The following TANK variants were observed in gnomAD, a reference collection of about 807,000 sequenced individuals.
The protein encoded by TANK is TRAF family member-associated NF-kappa-B activator.
Under a neutral mutation model 43.6 loss-of-function variants are expected in TANK, and 15 were observed. The observed-to-expected ratio is 0.34, with a 90% confidence interval of 0.23 to 0.53. The LOEUF (loss-of-function observed/expected upper bound fraction) is 0.53. TANK is among the 20% of genes least tolerant of loss of function. The pLI is 0.94. For missense variants in TANK, 417 were observed against 498.6 expected (o/e 0.84, Z 1.56); for synonymous variants, 162 against 178.2 (o/e 0.91, Z 0.73).
chr2:161,194,213 C>T (rs1686044570), intron 2 of TANK, among the ~76,000 whole-genome samples: 1 of 151,788 alleles, frequency 6.6e-6, no homozygotes, highest in African/African-American at 2.4e-5. Flanking sequence ...TATAGAAAAC[C>T]TGCAGCTGGC....
chr2:161,166,481 G>A (rs1684685409), intron 1 of TANK, among the ~76,000 whole-genome samples: 1 of 152,206 alleles, frequency 6.6e-6, no homozygotes, highest in African/African-American at 2.4e-5. Flanking sequence ...TAATATTTTT[G>A]AGTGTCTTTA....
chr2:161,191,048 T>C (rs1685893001), intron 2 of TANK, among the ~76,000 whole-genome samples: 2 of 152,234 alleles, frequency 1.3e-5, no homozygotes, highest in Non-Finnish European at 2.9e-5. Flanking sequence ...CACCAGCCTT[T>C]TACCACTTAG....
chr2:161,174,221 G>T (rs1481408429), intron 1 of TANK, among the ~76,000 whole-genome samples: 2 of 152,078 alleles, frequency 1.3e-5, no homozygotes, highest in Admixed American at 1.3e-4. Flanking sequence ...TTGCAGATCT[G>T]GGGTCTGAAT....
At chr2:161,222,781 A>C in intron 4 of TANK, 1 of 152,146 alleles carries the variant, frequency 6.6e-6, no homozygotes, top group Admixed American at 6.5e-5. Flanking sequence ...AAAATCACAA[A>C]TTGTTTGTAT....
chr2:161,155,266 T>A (rs1348632671), intron 1 of TANK, among the ~76,000 whole-genome samples: 1 of 152,062 alleles, frequency 6.6e-6, no homozygotes, highest in African/African-American at 2.4e-5. Context: ...TGTGACCATA[T>A]TATTATTATT....
chr2:161,217,629 G>T (rs1017791011), intron 4 of TANK, among the ~76,000 whole-genome samples: 1 of 148,570 alleles, frequency 6.7e-6, no homozygotes, highest in African/African-American at 2.5e-5. Context: ...GTGTGTGTGT[G>T]TTGTCCAAAG....
At chr2:161,173,212 A>G (rs1440048264) in intron 1 of TANK, among the ~76,000 whole-genome samples, 1 of 152,114 alleles carries the variant, frequency 6.6e-6, no homozygotes, top group Non-Finnish European at 1.5e-5. Flanking sequence ...GCACAGTCAT[A>G]CATGCTGACC....
intron 1 of TANK, among the ~76,000 whole-genome samples, chr2:161,138,882 A>G (rs1004562022): frequency 3.3e-5 from 5 of 152,216 alleles, no homozygotes; most frequent in Admixed American, 1.3e-4. Context: ...TGAATATTCT[A>G]TTAATATGTC....
At chr2:161,161,270 T>G in intron 1 of TANK, 1 of 1,550,498 alleles carries the variant, frequency 6.4e-7, no homozygotes, top group Non-Finnish European at 8.7e-7. Context: ...AAGTGGTGTT[T>G]ATCTCACCTC....
intron 4 of TANK, among the ~76,000 whole-genome samples, chr2:161,218,973 G>A (rs961030741): frequency 3.3e-5 from 5 of 151,852 alleles, no homozygotes; most frequent in Non-Finnish European, 5.9e-5. Flanking sequence ...AGTGAAAGGA[G>A]TGTGAGAAAT....
chr2:161,231,643 C>CGG (rs1441011038), intron 7 of TANK, 92 bp downstream of exon 7: 9 of 1,198,288 alleles, frequency 7.5e-6, no homozygotes, highest in Non-Finnish European at 1.1e-5. Context: ...CGTTATCAAA[C>CGG]ATCCTTTTTA....
chr2:161,204,837 G>C (rs199580840), intron 4 of TANK, 44 bp downstream of exon 4: 7 of 1,588,610 alleles, frequency 4.4e-6, no homozygotes, highest in Admixed American at 3.8e-5. Context: ...ATGCTGATGC[G>C]TGACATAGCT....
At chr2:161,201,246 T>A in intron 2 of TANK, 3 of 966,934 alleles carry the variant, frequency 3.1e-6, no homozygotes, top group Non-Finnish European at 3.7e-6. Context: ...GAAATAGCCA[T>A]TGATCCATTA....
intron 1 of TANK, chr2:161,163,198 A>G (rs1211122491): frequency 6.6e-6 from 1 of 152,160 alleles, no homozygotes; most frequent in Admixed American, 6.5e-5. Flanking sequence ...TAAATAGCCT[A>G]AGAACTCTGC....
At chr2:161,140,244 C>T (rs1323178237) in intron 1 of TANK, among the ~76,000 whole-genome samples, 1 of 152,038 alleles carries the variant, frequency 6.6e-6, no homozygotes, top group East Asian at 1.9e-4. Flanking sequence ...CTTGGCATCC[C>T]CTTTTGAAAA....
At chr2:161,197,013 A>G (rs1336799025) in intron 2 of TANK, among the ~76,000 whole-genome samples, 1 of 152,242 alleles carries the variant, frequency 6.6e-6, no homozygotes, top group Admixed American at 6.5e-5. Flanking sequence ...CATTTGTAAA[A>G]AAGTGTGATA....
At chr2:161,162,211 A>T (rs1276430033) in intron 1 of TANK, among the ~76,000 whole-genome samples, 2 of 152,138 alleles carry the variant, frequency 1.3e-5, no homozygotes, top group African/African-American at 4.8e-5. Context: ...CTTTAAAAAT[A>T]CCAATCTGCT....
chr2:161,163,214 G>T (rs934957715), intron 1 of TANK: 6 of 152,118 alleles, frequency 3.9e-5, no homozygotes, highest in Non-Finnish European at 7.4e-5. Context: ...TCTGCTCTTT[G>T]AAGATCTGAA....
intron 6 of TANK, among the ~76,000 whole-genome samples, chr2:161,225,687 G>A (rs1446903250): frequency 6.6e-6 from 1 of 152,120 alleles, no homozygotes; most frequent in African/African-American, 2.4e-5. Context: ...AATTCCCAAA[G>A]GATGTGATTT....
Sources: allele counts gnomAD v4.1 joint callset (sites outside exome capture counted in the v4.1 genomes callset), GRCh38; gene constraint gnomAD v4.1.1; transcripts MANE v1.5; gene names NCBI Gene and HGNC (gene_info 2026-07-23, HGNC 2026-07-21).